The following LRP2 variants were observed in gnomAD, a reference collection of about 807,000 sequenced individuals.
LRP2 encodes LDL receptor related protein 2.
In LRP2, 172 loss-of-function variants were observed where a neutral mutation model predicts 531.0. The observed-to-expected ratio is 0.32, with a 90% CI of 0.29 to 0.37. The LOEUF is 0.37. Ranked by LOEUF, LRP2 falls within the 10% of genes least tolerant of loss-of-function variation. LRP2 has a pLI of 1.00. For missense variants in LRP2, 5,167 were observed against 5,868.3 expected (o/e 0.88, Z 3.90); for synonymous variants, 1,992 against 2,027.6 (o/e 0.98, Z 0.47).
At chr2:169,352,008 G>T (rs1387895779) in intron 1 of LRP2, among the ~76,000 whole-genome samples, 1 of 152,214 alleles carries the variant, frequency 6.6e-6, no homozygotes, top group Non-Finnish European at 1.5e-5. Context: ...GGTCAACAAA[G>T]AGTTGAGGCT....
At chr2:169,247,097 A>T in intron 20 of LRP2, 111 bp from the exon 21 acceptor site, 1 of 1,260,342 alleles carries the variant, frequency 7.9e-7, no homozygotes, top group Non-Finnish European at 1.1e-6. Flanking sequence ...CAGACCCAAT[A>T]CTAAAAAGTA....
intron 1 of LRP2, among the ~76,000 whole-genome samples, chr2:169,327,162 C>T (rs1345410945): frequency 7.8e-5 from 11 of 140,960 alleles, no homozygotes; most frequent in South Asian, 4.7e-4. Context: ...CCCGGCCAGC[C>T]GCCCCGTCCA....
Position 169,205,609 on chromosome 2 carries a change from G to A in LRP2, c.7585C>T (p.His2529Tyr), listed in dbSNP as rs140059424. 2.4e-5 allele frequency: 39 copies of A among 1,613,408 alleles called. No individual in the cohort carries two copies. The highest frequency in any genetic ancestry group is 3.1e-5 in the Non-Finnish European group (36 of 1,179,916). Residue 2529 changes from histidine (H) to tyrosine (Y), a missense_variant, in exon 41 of 79, where the codon CAT becomes TAT. Physicochemically the swap from His to Tyr is moderately conservative, Grantham distance 83. Coordinates refer to ENST00000649046, the MANE Select transcript of LRP2 (RefSeq NM_004525.3). ...GYLYWADWDT[H>Y]AKIERATLGG... is the part of the protein sequence containing the mutation. The stretch of plus-strand genomic sequence containing the variant: ...AATGTGGCTCTCTCGATTTTGGCAT[G>A]TGTATCCCAGTCAGCCCAGTACAGG...
intron 63 of LRP2, among the ~76,000 whole-genome samples, chr2:169,160,439 T>G (rs564742430): frequency 1.3e-5 from 2 of 151,772 alleles, no homozygotes; most frequent in African/African-American, 4.8e-5. Flanking sequence ...GTGATGCTTT[T>G]GGAGAAGAAG....
At chr2:169,329,820 G>A (rs1462967951) in intron 1 of LRP2, among the ~76,000 whole-genome samples, 1 of 152,186 alleles carries the variant, frequency 6.6e-6, no homozygotes, top group Non-Finnish European at 1.5e-5. Flanking sequence ...TTCCATGAGG[G>A]AGGGGTCCCC....
chr2:169,329,545 G>A (rs933743650), intron 1 of LRP2, among the ~76,000 whole-genome samples: 2 of 152,170 alleles, frequency 1.3e-5, no homozygotes, highest in Admixed American at 1.3e-4. Flanking sequence ...ATGAGTATGA[G>A]GGTGATTACT....
At position 169,262,316 on chromosome 2, in the gene LRP2, C is replaced by A. The variant is rs866273984; in HGVS notation, c.2321-3099G>T. 1.3e-3 allele frequency among the ~76,000 whole-genome samples: 101 copies of A among 79,442 alleles called. 8 individuals are homozygous for A. Among genetic ancestry groups the A allele is most frequent in the African/African-American group, 3.4e-3 (92 of 27,238 alleles). 52.1% of individuals were successfully genotyped at this position (79,442 alleles called of 152,430 possible). On this transcript the variant is annotated intron_variant, in intron 16 of 78. Coordinates refer to ENST00000649046, the MANE Select transcript of LRP2 (RefSeq NM_004525.3). ...GAGGAAGTCAAATTGTCCCTGTTTG[C>A]AGACGACATGATGGTATATCTAGAA...
intron 30 of LRP2, 87 bp downstream of exon 30, chr2:169,233,324 T>C: frequency 7.0e-7 from 1 of 1,431,410 alleles, no homozygotes; most frequent in Non-Finnish European, 9.9e-7. Flanking sequence ...TCCAAACAAA[T>C]GGGTCTGTAA....
In LRP2 at chr2:169,162,409, G is replaced by T. The variant is rs1686621627; in HGVS notation, c.11887+63C>A. The T allele has an allele frequency of 2.2e-5, 34 of 1,573,554 alleles. 1 individual carries two copies. The South Asian group carries it at 3.3e-4, about 15-fold the overall frequency. ...TGGTCAGTGTCTACATTATGTTATT[G>T]CATGTTTTAATTAGGTAAACCTGAG... On this transcript the variant is annotated intron_variant, in intron 63 of 78. Coordinates refer to ENST00000649046, the MANE Select transcript of LRP2 (RefSeq NM_004525.3).
At chr2:169,270,529 T>C (rs1388496965) in intron 16 of LRP2, among the ~76,000 whole-genome samples, 2 of 145,284 alleles carry the variant, frequency 1.4e-5, no homozygotes, top group Non-Finnish European at 3.0e-5. Context: ...CACCACATGT[T>C]CTCACTCACA....
chr2:169,336,560 A>ACACACACG (rs1484164927), intron 1 of LRP2, among the ~76,000 whole-genome samples: 8 of 151,630 alleles, frequency 5.3e-5, no homozygotes, highest in African/African-American at 2.4e-5. Context: ...ACACACACAC[A>ACACACACG]CACACGCACA....
intron 48 of LRP2, 127 bp downstream of exon 48, chr2:169,191,705 T>C: frequency 1.4e-6 from 1 of 727,408 alleles, no homozygotes; most frequent in East Asian, 2.5e-5. Context: ...AATCCAAACA[T>C]TTTCATAAGC....
chr2:169,235,754 TA>T, intron 29 of LRP2, 85 bp downstream of exon 29: 1 of 1,060,246 alleles, frequency 9.4e-7, no homozygotes, highest in Non-Finnish European at 1.4e-6. Flanking sequence ...ACACAAAAAT[TA>T]ATTTCTTAGC....
Position 169,139,556 on chromosome 2 carries a change from G to A in LRP2, c.13254C>T (p.Ile4418=), listed in dbSNP as rs756940461. The change falls in exon 73 of 79, where the codon ATC becomes ATT. Residue 4418 remains isoleucine, a synonymous_variant. Coordinates refer to ENST00000649046, the MANE Select transcript of LRP2 (RefSeq NM_004525.3). ...CTTAAAACTTACTTGTTCCTGGAGA[G>A]ATGCCTTTTGAAAACGCCATTTCAC... is the stretch of plus-strand genomic sequence containing the variant. ...KYCEMAFSKG[I]SPGTTAVAVL... is the part of the protein sequence containing the mutation. 1.2e-6 allele frequency: 2 copies of A among 1,614,196 alleles called. No individual in the cohort carries two copies. The highest frequency in any genetic ancestry group is 2.2e-5 in the South Asian group (2 of 91,082).
chr2:169,289,726 A>C lies in LRP2; in HGVS notation c.923-581T>G, dbSNP rs139803196. On this transcript the variant is annotated intron_variant, in intron 8 of 78. Transcript: ENST00000649046. ...ACTCCCAAGTGACTGGAGCAAGAAT[A>C]AGCCCTAGAAATATTAACTGTGGCT... 4.0e-3 allele frequency among the ~76,000 whole-genome samples: 603 copies of C among 152,326 alleles called. 2 individuals carry two copies. The highest frequency in any genetic ancestry group is 0.011 in the South Asian group (53 of 4,820).
At position 169,187,840 on chromosome 2, in the gene LRP2, A is replaced by G. The variant is rs974980382; in HGVS notation, c.9328+130T>C. 4 of 1,004,646 alleles carry G rather than the reference A, an allele frequency of 4.0e-6. No individual in the cohort carries two copies. In the South Asian group the frequency reaches 4.0e-5, roughly 10 times the overall value. 62.2% of individuals were successfully genotyped at this position (1,004,646 alleles called of 1,614,324 possible). A position where few individuals can be genotyped will look rare whatever the true frequency, so the allele number is the denominator to read the frequency against. ...CAAGAAACTTTGGTAACCTTTTGCT[A>G]TATCAGGAATAGTGATTTTATGGTA... On this transcript the variant is annotated intron_variant, in intron 49 of 78. Coordinates refer to ENST00000649046, the MANE Select transcript of LRP2 (RefSeq NM_004525.3).
chr2:169,352,959 C>T (rs1023871297), intron 1 of LRP2, among the ~76,000 whole-genome samples: 2 of 152,070 alleles, frequency 1.3e-5, no homozygotes, highest in African/African-American at 2.4e-5. Flanking sequence ...TTGATAGGTA[C>T]AGCAAACCAC....
chr2:169,353,574 T>C (rs951532003), intron 1 of LRP2, among the ~76,000 whole-genome samples: 1 of 152,162 alleles, frequency 6.6e-6, no homozygotes, highest in African/African-American at 2.4e-5. Context: ...ATTAAACCAG[T>C]GTGGAAGTAC....
At chr2:169,264,660 T>C (rs1166732196) in intron 16 of LRP2, among the ~76,000 whole-genome samples, 1 of 151,984 alleles carries the variant, frequency 6.6e-6, no homozygotes, top group Non-Finnish European at 1.5e-5. Flanking sequence ...GGGAAAATGC[T>C]ACAAACTAAG....
Sources: allele counts gnomAD v4.1 joint callset (sites outside exome capture counted in the v4.1 genomes callset), GRCh38; gene constraint gnomAD v4.1.1; transcripts MANE v1.5; gene names NCBI Gene and HGNC (gene_info 2026-07-23, HGNC 2026-07-21).